Variants in PTPRG observed in about 807,000 individuals in gnomAD.
PTPRG encodes the protein receptor-type tyrosine-protein phosphatase gamma.
A neutral mutation model predicts 165.3 loss-of-function variants in PTPRG; 102 were observed. That is an observed-to-expected ratio of 0.62 (90% CI 0.53 to 0.73). The LOEUF (loss-of-function observed/expected upper bound fraction) is 0.73, where lower values mean the gene tolerates loss of function less well. Ranked by LOEUF, PTPRG falls within the 30% of genes least tolerant of loss-of-function variation. The probability of loss-of-function intolerance (pLI) is 0.00; values close to 1 mark genes in which losing one functional copy is unlikely to be tolerated. For missense variants in PTPRG, 1,866 were observed against 1,861.4 expected (o/e 1.00, Z -0.05); for synonymous variants, 675 against 669.5 (o/e 1.01, Z -0.13).
intron 1 of PTPRG, among the ~76,000 whole-genome samples, chr3:61,649,425 T>C (rs1453825800): frequency 6.6e-6 from 1 of 152,200 alleles, no homozygotes; most frequent in African/African-American, 2.4e-5. Context: ...GGTTTTTCTC[T>C]GCTTCCAAGG....
chr3:62,257,924 A>G lies in PTPRG; in HGVS notation c.2559+2709A>G, dbSNP rs575561256. On this transcript the variant is annotated intron_variant, in intron 16 of 29. Coordinates refer to ENST00000474889, the MANE Select transcript of PTPRG (RefSeq NM_002841.4). ...GGCTGCAGTGACCTATGACCGTACC[A>G]CTGCACTCCAGCCTGAGCGACAGAG... Among the ~76,000 whole-genome samples the G allele has an allele frequency of 3.3e-5, 5 of 152,262 alleles. No homozygotes were observed. The South Asian group carries it at 1.0e-3, about 32-fold the overall frequency.
chr3:62,076,803 A>G (rs1171781383), intron 4 of PTPRG, among the ~76,000 whole-genome samples: 1 of 149,736 alleles, frequency 6.7e-6, no homozygotes, highest in Non-Finnish European at 1.5e-5. Context: ...CTGGTCTCGA[A>G]CTCCCGACCT....
At position 62,210,437 on chromosome 3, in the gene PTPRG, T is replaced by C. The variant is rs547338517; in HGVS notation, c.2155+6487T>C. 7.2e-5 allele frequency among the ~76,000 whole-genome samples: 11 copies of C among 152,254 alleles called. No homozygotes were observed. Among genetic ancestry groups the C allele is most frequent in the African/African-American group, 2.4e-4 (10 of 41,542 alleles). ...TATAGAAAATAAATGTTGGCAGAAATGTGGAAAGAAGGGAACCCTTTGTGC... is the reference window on the plus strand; with the variant it reads ...TATAGAAAATAAATGTTGGCAGAAACGTGGAAAGAAGGGAACCCTTTGTGC... On this transcript the variant is annotated intron_variant, in intron 12 of 29. Coordinates refer to ENST00000474889, the MANE Select transcript of PTPRG (RefSeq NM_002841.4). The surrounding 1 kb of genome is among the most constrained non-coding windows in gnomAD (Gnocchi z 4.1).
intron 2 of PTPRG, among the ~76,000 whole-genome samples, chr3:61,764,171 T>C (rs1323824701): frequency 6.6e-6 from 1 of 152,138 alleles, no homozygotes; most frequent in African/African-American, 2.4e-5. Context: ...CTTCTAAAAT[T>C]CAGGTAGACC....
chr3:61,736,267 G>C (rs750980014), intron 1 of PTPRG, among the ~76,000 whole-genome samples: 1 of 150,870 alleles, frequency 6.6e-6, no homozygotes, highest in Non-Finnish European at 1.5e-5. Flanking sequence ...GAAATCCATA[G>C]TAGAGCCTTC....
At chr3:61,752,676 C>T (rs1004377516) in intron 2 of PTPRG, among the ~76,000 whole-genome samples, 2 of 148,878 alleles carry the variant, frequency 1.3e-5, no homozygotes, top group African/African-American at 4.9e-5. Flanking sequence ...ATCCCAGCTA[C>T]TCGGGAGGCT....
chr3:61,801,866 A>G (rs538692630), intron 2 of PTPRG, among the ~76,000 whole-genome samples: 1 of 152,156 alleles, frequency 6.6e-6, no homozygotes, highest in Admixed American at 6.5e-5. Context: ...AAAAATACAC[A>G]CACACAAAAT....
At chr3:62,043,767 A>C (rs1383403905) in intron 4 of PTPRG, among the ~76,000 whole-genome samples, 1 of 152,212 alleles carries the variant, frequency 6.6e-6, no homozygotes, top group African/African-American at 2.4e-5. Context: ...TTGAGTTCCT[A>C]AACAGTAGAA....
At chr3:61,851,296 C>T (rs2036957109) in intron 2 of PTPRG, among the ~76,000 whole-genome samples, 1 of 152,158 alleles carries the variant, frequency 6.6e-6, no homozygotes. Context: ...TTTTCACTGT[C>T]TGTATTTCAA....
chr3:61,766,974 TGGCTCA>T (rs2034039834), intron 2 of PTPRG, among the ~76,000 whole-genome samples: 1 of 150,534 alleles, frequency 6.6e-6, no homozygotes, highest in African/African-American at 2.4e-5. Flanking sequence ...ACAGGAGCAC[TGGCTCA>T]GGCCTGTAAT....
At chr3:62,176,356 A>G (rs1705423312) in intron 8 of PTPRG, among the ~76,000 whole-genome samples, 1 of 152,152 alleles carries the variant, frequency 6.6e-6, no homozygotes, top group African/African-American at 2.4e-5. Context: ...AATCATCCAA[A>G]GCCTCTCAGC....
intron 2 of PTPRG, among the ~76,000 whole-genome samples, chr3:61,830,474 G>A (rs1419169152): frequency 6.6e-6 from 1 of 151,696 alleles, no homozygotes; most frequent in African/African-American, 2.4e-5. Context: ...CTCCAGGTTT[G>A]CTGATTCTTG....
intron 1 of PTPRG, among the ~76,000 whole-genome samples, chr3:61,741,783 T>C (rs550881541): frequency 1.3e-5 from 2 of 152,272 alleles, no homozygotes; most frequent in African/African-American, 4.8e-5. Context: ...GAATCCTTTG[T>C]GGCCATGTAT....
At chr3:62,150,375 G>C (rs1278667721) in intron 6 of PTPRG, among the ~76,000 whole-genome samples, 3 of 152,140 alleles carry the variant, frequency 2.0e-5, no homozygotes, top group African/African-American at 7.2e-5. Context: ...GTAGAAAGTG[G>C]CTAGTCAGAT....
intron 2 of PTPRG, among the ~76,000 whole-genome samples, chr3:61,885,686 CCTCTCCTCTCCTCTCT>C: frequency 8.9e-6 from 1 of 112,690 alleles, no homozygotes; most frequent in Non-Finnish European, 1.9e-5. Flanking sequence ...CCTCTCCTCT[CCTCTCCTCTCCTCTCT>C]CGACAGGGTC....
rs1341152198 is a variant in PTPRG at position 62,121,036 on chromosome 3, C to G, written c.616-11566C>G. ...CTCGGCTCACTGCAAGCTGTGCCCC[C>G]CGGGTTCATGCCATTCTCCTGCCTC... is the stretch of plus-strand genomic sequence containing the variant. On this transcript the variant is annotated intron_variant, in intron 5 of 29. Coordinates refer to ENST00000474889, the MANE Select transcript of PTPRG (RefSeq NM_002841.4). Among the ~76,000 whole-genome samples, 11 of 151,982 alleles carry G rather than the reference C, an allele frequency of 7.2e-5. No homozygotes were observed. The East Asian group carries it at 2.0e-3, about 27-fold the overall frequency.
chr3:61,616,296 T>C (rs1701294739), intron 1 of PTPRG, among the ~76,000 whole-genome samples: 1 of 152,228 alleles, frequency 6.6e-6, no homozygotes, highest in East Asian at 1.9e-4. Flanking sequence ...TCTTGGGATA[T>C]TGCAGCCCCC....
At chr3:61,997,943 A>G (rs965023403) in intron 3 of PTPRG, among the ~76,000 whole-genome samples, 11 of 152,200 alleles carry the variant, frequency 7.2e-5, no homozygotes, top group Non-Finnish European at 1.5e-4. Flanking sequence ...GGGTCCAATA[A>G]TGGTAGGCTT....
intron 2 of PTPRG, among the ~76,000 whole-genome samples, chr3:61,889,743 A>G (rs1048531398): frequency 2.6e-5 from 4 of 152,234 alleles, no homozygotes; most frequent in South Asian, 4.1e-4. Flanking sequence ...CCAGAAATCA[A>G]TCATGCCTTC....
Sources: allele counts gnomAD v4.1 joint callset (sites outside exome capture counted in the v4.1 genomes callset), GRCh38; gene constraint gnomAD v4.1.1; non-coding constraint Gnocchi (gnomAD v3.1); transcripts MANE v1.5; gene names NCBI Gene and HGNC (gene_info 2026-07-23, HGNC 2026-07-21).